The following MAPRE3 variants were observed in gnomAD, a reference collection of about 807,000 sequenced individuals.
MAPRE3 encodes microtubule-associated protein RP/EB family member 3.
MAPRE3 carries 2 observed loss-of-function variants against 30.5 expected under a neutral mutation model. The observed-to-expected ratio is 0.07, with a 90% CI of 0.03 to 0.21. MAPRE3 has a LOEUF of 0.21. Among genes scored for constraint, MAPRE3 ranks in the 10% least tolerant of loss-of-function variants. The pLI, the probability that MAPRE3 is intolerant of heterozygous loss-of-function variation, is 1.00. For synonymous variants in MAPRE3, 110 were observed against 127.7 expected (o/e 0.86, Z 0.93); for missense variants, 204 against 351.8 (o/e 0.58, Z 3.36).
At chr2:27,014,931 T>C (rs1357782545) in intron 1 of MAPRE3, 2 of 152,366 alleles carry the variant, frequency 1.3e-5, no homozygotes, top group Non-Finnish European at 2.9e-5. Flanking sequence ...TGGCTGGCTC[T>C]GTGGAGTTCT....
chr2:26,994,818 CTTCTTCT>C (rs1319166231), intron 1 of MAPRE3, among the ~76,000 whole-genome samples: 2 of 73,976 alleles, frequency 2.7e-5, no homozygotes, highest in Non-Finnish European at 6.0e-5. Context: ...TCTTCTTCTT[CTTCTTCT>C]TTTTTTTTTT....
rs762332350 is a variant in MAPRE3 at position 27,008,339 on chromosome 2, C to T, written c.-7-13873C>T. On this transcript the variant is annotated intron_variant, in intron 1 of 6. Coordinates refer to ENST00000233121, the MANE Select transcript of MAPRE3 (RefSeq NM_012326.4). ...GCACAGTGGCGCATGCCTGTAATCC[C>T]GGCTACTTGGAAGGCTGAGGAGGAG... Among the ~76,000 whole-genome samples, 31 of 152,076 alleles carry T rather than the reference C, an allele frequency of 2.0e-4. 1 individual carries two copies. Among genetic ancestry groups the T allele is most frequent in the Non-Finnish European group, 8.8e-5 (6 of 68,014 alleles).
intron 1 of MAPRE3, among the ~76,000 whole-genome samples, chr2:26,997,091 G>C (rs891963238): frequency 1.1e-4 from 17 of 151,898 alleles, no homozygotes; most frequent in African/African-American, 3.6e-4. Flanking sequence ...TTTTTGGGAA[G>C]ATATTTGAAA....
chr2:26,973,260 G>T (rs1665948569), intron 1 of MAPRE3, among the ~76,000 whole-genome samples: 4 of 152,190 alleles, frequency 2.6e-5, no homozygotes, highest in Admixed American at 2.0e-4. Context: ...TGATGATGCC[G>T]TTTCTGACCT....
At chr2:26,994,760 T>G (rs1029067822) in intron 1 of MAPRE3, among the ~76,000 whole-genome samples, 21 of 151,954 alleles carry the variant, frequency 1.4e-4, no homozygotes, top group African/African-American at 5.1e-4. Context: ...GTCTATAACA[T>G]GTAGATACTT....
chr2:27,001,872 GT>G (rs1252897651), intron 1 of MAPRE3, among the ~76,000 whole-genome samples: 1 of 152,180 alleles, frequency 6.6e-6, no homozygotes, highest in Non-Finnish European at 1.5e-5. Context: ...CTTTCCATGT[GT>G]TTTATCAATT....
At chr2:27,017,488 A>G (rs1322527843) in intron 1 of MAPRE3, among the ~76,000 whole-genome samples, 1 of 152,206 alleles carries the variant, frequency 6.6e-6, no homozygotes, top group Non-Finnish European at 1.5e-5. Flanking sequence ...TTCATCAGGC[A>G]TTGACAAGAC....
At chr2:27,024,401 G>A (rs1403555627) in intron 4 of MAPRE3, 104 bp downstream of exon 4, 12 of 1,069,254 alleles carry the variant, frequency 1.1e-5, no homozygotes, top group Non-Finnish European at 1.6e-5. Flanking sequence ...CAGCCTGGAG[G>A]AGACTTGTTA....
chr2:26,996,786 G>A (rs956289831), intron 1 of MAPRE3: 21 of 152,134 alleles, frequency 1.4e-4, no homozygotes, highest in African/African-American at 4.6e-4. Flanking sequence ...CAACCTGGGC[G>A]ACAGAGCGAG....
chr2:27,003,600 A>G (rs965893096), intron 1 of MAPRE3, among the ~76,000 whole-genome samples: 1 of 152,222 alleles, frequency 6.6e-6, no homozygotes, highest in African/African-American at 2.4e-5. Flanking sequence ...TTTATGAAGC[A>G]TCTGTTATCG....
rs1180289872 is a variant in MAPRE3, at chr2:26,985,403, G to C, written c.-8+14601G>C. Among the ~76,000 whole-genome samples, 3 of 152,210 alleles carry C rather than the reference G, an allele frequency of 2.0e-5. No homozygotes were observed. Among genetic ancestry groups the C allele is most frequent in the Non-Finnish European group, 4.4e-5 (3 of 68,032 alleles). On this transcript the variant is annotated intron_variant, in intron 1 of 6. Coordinates refer to ENST00000233121, the MANE Select transcript of MAPRE3 (RefSeq NM_012326.4). This position sits in a 1 kb window ranked among gnomAD's most constrained non-coding sequence, Gnocchi z 4.2. ...GAGAGCATTCTGGCAGCATAGATCTGAGTTGGTGAAGCTATTCCTATAGCA... is the reference window on the plus strand; with the variant it reads ...GAGAGCATTCTGGCAGCATAGATCTCAGTTGGTGAAGCTATTCCTATAGCA...
intron 1 of MAPRE3, among the ~76,000 whole-genome samples, chr2:27,005,517 A>G (rs1323948246): frequency 6.6e-6 from 1 of 152,186 alleles, no homozygotes; most frequent in Non-Finnish European, 1.5e-5. Flanking sequence ...GATTCTCCCT[A>G]CTTTCCAGGC....
intron 1 of MAPRE3, among the ~76,000 whole-genome samples, chr2:26,971,007 C>A (rs1316429338): frequency 6.6e-6 from 1 of 151,824 alleles, no homozygotes; most frequent in Non-Finnish European, 1.5e-5. Flanking sequence ...GCCTCCCCAG[C>A]CACTCCCCCT....
Position 27,022,330 on chromosome 2 carries a change from CT to C in MAPRE3, c.115del (p.Cys39ValfsTer20). ...LHLNYTKIEQ[L>X]CSGAAYCQFM... is the part of the protein sequence containing the mutation. ...CCTCAACTATACCAAGATAGAACAG[CT>C]TTGTTCAGGTAGGAGGCTGGGAATA... On this transcript the variant is annotated frameshift_variant, in exon 2 of 7. Transcript: ENST00000233121. LOFTEE classifies it high-confidence loss of function. The C allele has an allele frequency of 6.2e-7, 1 of 1,613,946 alleles. No individual in the cohort carries two copies. The highest frequency in any genetic ancestry group is 8.5e-7 in the Non-Finnish European group (1 of 1,179,934).
At chr2:27,026,123 A>G in intron 6 of MAPRE3, 91 bp downstream of exon 6, 4 of 1,517,766 alleles carry the variant, frequency 2.6e-6, no homozygotes, top group Non-Finnish European at 3.6e-6. Flanking sequence ...CGTGGAGAAC[A>G]TTTACTGATG....
chr2:26,983,026 C>T (rs575320164), intron 1 of MAPRE3, among the ~76,000 whole-genome samples: 1 of 152,214 alleles, frequency 6.6e-6, no homozygotes, highest in South Asian at 2.1e-4. Context: ...AGGCCCAACC[C>T]AGCTCCTGTC....
chr2:27,026,198 T>A, intron 6 of MAPRE3, 82 bp from the exon 7 acceptor site: 1 of 1,434,276 alleles, frequency 7.0e-7, no homozygotes, highest in African/African-American at 1.4e-5. Context: ...CCTGACCCCT[T>A]GCTCTTCAGC....
intron 2 of MAPRE3, 75 bp from the exon 3 acceptor site, chr2:27,023,257 G>A (rs777906941): frequency 2.7e-6 from 4 of 1,503,636 alleles, no homozygotes; most frequent in South Asian, 2.6e-5. Context: ...AGGAGACGGG[G>A]TTTGGGGAAG....
chr2:27,026,532 G>T lies in MAPRE3; in HGVS notation c.*184G>T. On this transcript the variant is annotated 3_prime_UTR_variant, in exon 7 of 7. Coordinates refer to ENST00000233121, the MANE Select transcript of MAPRE3 (RefSeq NM_012326.4). ...GGAAAGCAGGCAGAAGCCCGTCCTGGGTGGTGCTGGCCCAGTTGGTGGGAC... is the reference window on the plus strand; with the variant it reads ...GGAAAGCAGGCAGAAGCCCGTCCTGTGTGGTGCTGGCCCAGTTGGTGGGAC... 1.8e-6 allele frequency: 1 copy of T among 557,734 alleles called. No homozygotes were observed. Among genetic ancestry groups the T allele is most frequent in the Non-Finnish European group, 3.1e-6 (1 of 318,546 alleles). The allele number at this position is 557,734 out of a possible 1,614,324, so 34.5% of individuals were successfully genotyped here. A position where few individuals can be genotyped will look rare whatever the true frequency, so the allele number is the denominator to read the frequency against.
Sources: gnomAD v4.1 joint callset for allele counts (sites outside exome capture counted in the v4.1 genomes callset) on GRCh38, gnomAD v4.1.1 for gene constraint, Gnocchi (gnomAD v3.1) non-coding constraint, MANE v1.5 for transcripts, NCBI Gene and HGNC (gene_info 2026-07-23, HGNC 2026-07-21) for gene names.